The following SNX30 variants were observed in gnomAD, a reference collection of about 807,000 sequenced individuals.
SNX30 encodes sorting nexin-30.
In SNX30, 24 loss-of-function variants were observed where a neutral mutation model predicts 46.4. The observed-to-expected ratio is 0.52, with a 90% CI of 0.37 to 0.73. The LOEUF is 0.73. Ranked by LOEUF, SNX30 falls within the 30% of genes least tolerant of loss-of-function variation. The pLI, the probability that SNX30 is intolerant of heterozygous loss-of-function variation, is 0.00. For missense variants in SNX30, 533 were observed against 555.7 expected, an observed-to-expected ratio of 0.96 and a Z score of 0.41; for synonymous variants, 189 against 211.5, an observed-to-expected ratio of 0.89 and a Z score of 0.92.
intron 1 of SNX30, among the ~76,000 whole-genome samples, chr9:112,776,785 T>C (rs1460851037): frequency 2.0e-5 from 3 of 152,232 alleles, no homozygotes; most frequent in Non-Finnish European, 4.4e-5. Flanking sequence ...TAGGCAGGCC[T>C]CCTTTCAGGA....
chr9:112,811,162 G>A (rs572970651), intron 2 of SNX30, among the ~76,000 whole-genome samples: 8 of 152,342 alleles, frequency 5.3e-5, no homozygotes, highest in East Asian at 1.9e-4. Flanking sequence ...GCAGAGGAGC[G>A]TGAGGATGAA....
At chr9:112,843,717 C>T (rs559459723) in intron 6 of SNX30, among the ~76,000 whole-genome samples, 5 of 148,282 alleles carry the variant, frequency 3.4e-5, no homozygotes, top group African/African-American at 7.4e-5. Flanking sequence ...CCGCTTCAAG[C>T]GATTCTCCTG....
Position 112,808,381 on chromosome 9 carries a change from G to T in SNX30, c.348+3414G>T, listed in dbSNP as rs374574504. ...AAATAAGTGAAGGCTGACAGCCAAT[G>T]TAGGCAAAGAATTATCCACCCAAAT... On this transcript the variant is annotated intron_variant, in intron 2 of 8. Transcript: ENST00000374232. Among the ~76,000 whole-genome samples the T allele has an allele frequency of 7.9e-4, 120 of 152,356 alleles. 2 individuals carry two copies. The South Asian group carries it at 0.017, about 22-fold the overall frequency.
At chr9:112,761,051 C>T (rs141147876) in intron 1 of SNX30, among the ~76,000 whole-genome samples, 40 of 152,218 alleles carry the variant, frequency 2.6e-4, no homozygotes, top group African/African-American at 7.2e-4. Flanking sequence ...TAGTGAGAGA[C>T]GAGGTGGGTA....
chr9:112,834,692 C>T (rs910269459), intron 4 of SNX30, among the ~76,000 whole-genome samples: 2 of 152,076 alleles, frequency 1.3e-5, no homozygotes, highest in African/African-American at 4.8e-5. Flanking sequence ...GATTCGAGTC[C>T]TGCCTTGGGG....
intron 1 of SNX30, among the ~76,000 whole-genome samples, chr9:112,760,030 G>A (rs913692849): frequency 4.6e-5 from 7 of 152,098 alleles, no homozygotes; most frequent in South Asian, 4.1e-4. Context: ...ATGCTTTGTC[G>A]ATTTCTATAT....
At chr9:112,866,580 G>GT in intron 8 of SNX30, 1 of 468,536 alleles carries the variant, frequency 2.1e-6, no homozygotes, top group Non-Finnish European at 4.4e-6. Flanking sequence ...GGGCTTCAGA[G>GT]TTTAGCTTCC....
At chr9:112,804,025 C>T (rs1226081901) in intron 1 of SNX30, among the ~76,000 whole-genome samples, 2 of 143,414 alleles carry the variant, frequency 1.4e-5, no homozygotes, top group East Asian at 2.1e-4. Context: ...CACTGGCCTG[C>T]GCCCACTGTC....
chr9:112,837,727 G>A (rs998490772), intron 5 of SNX30, among the ~76,000 whole-genome samples: 7 of 151,564 alleles, frequency 4.6e-5, no homozygotes, highest in African/African-American at 7.3e-5. Flanking sequence ...CACCCACCTC[G>A]GCCTCCCAAA....
At chr9:112,883,357 T>C (rs1841605216), downstream of SNX30, among the ~76,000 whole-genome samples, 3 of 152,134 alleles carry the variant, frequency 2.0e-5, no homozygotes, top group African/African-American at 4.8e-5. Flanking sequence ...GTGCAATGCA[T>C]GTAGTGGATG....
intron 6 of SNX30, among the ~76,000 whole-genome samples, chr9:112,843,454 T>C (rs1564288924): frequency 6.6e-6 from 1 of 151,574 alleles, no homozygotes; most frequent in East Asian, 1.9e-4. Context: ...TGCGCAAGGG[T>C]CGGAGGATGG....
At chr9:112,840,730 C>T (rs1421492755) in intron 6 of SNX30, among the ~76,000 whole-genome samples, 3 of 151,942 alleles carry the variant, frequency 2.0e-5, no homozygotes, top group Non-Finnish European at 2.9e-5. Flanking sequence ...CCATCCGCCT[C>T]GGCCTCCCAA....
Position 112,873,724 on chromosome 9 carries a change from G to A in SNX30, c.*4881G>A, listed in dbSNP as rs113630458. ...TATAGTATCGGCATTGACAAATCAC[G>A]TAGAAACAAAGAATGCTATAGATGA... On this transcript the variant is annotated 3_prime_UTR_variant, in exon 9 of 9. Transcript: ENST00000374232. 13 of 151,788 alleles carry A rather than the reference G, an allele frequency of 8.6e-5. No individual in the cohort carries two copies. The South Asian group carries it at 1.7e-3, about 19-fold the overall frequency. The allele number at this position is 151,788 out of a possible 1,614,324, so 9.4% of individuals were successfully genotyped here.
intron 1 of SNX30, among the ~76,000 whole-genome samples, chr9:112,775,318 G>A (rs986427883): frequency 5.3e-5 from 8 of 151,236 alleles, no homozygotes; most frequent in African/African-American, 1.7e-4. Flanking sequence ...ACCACACTTG[G>A]CTAATTTTGT....
At chr9:112,832,859 A>G (rs1037136827) in intron 4 of SNX30, among the ~76,000 whole-genome samples, 1 of 143,622 alleles carries the variant, frequency 7.0e-6, no homozygotes, top group East Asian at 1.9e-4. Flanking sequence ...ATATATAATA[A>G]ATATAATATA....
At chr9:112,777,803 T>C (rs1272185207) in intron 1 of SNX30, among the ~76,000 whole-genome samples, 1 of 152,122 alleles carries the variant, frequency 6.6e-6, no homozygotes, top group East Asian at 1.9e-4. Flanking sequence ...GTGGTTGCTA[T>C]GTGCCACGCA....
chr9:112,767,892 G>A (rs181002995), intron 1 of SNX30, among the ~76,000 whole-genome samples: 1 of 152,118 alleles, frequency 6.6e-6, no homozygotes, highest in Non-Finnish European at 1.5e-5. Context: ...GAGCCATTTT[G>A]TCTGGCCAGC....
intron 1 of SNX30, among the ~76,000 whole-genome samples, chr9:112,761,481 A>T (rs936130973): frequency 1.3e-5 from 2 of 152,082 alleles, no homozygotes; most frequent in Non-Finnish European, 2.9e-5. Context: ...GTTTTTGAGC[A>T]GGGGGATGTG....
rs530468923 is a variant in SNX30, at chr9:112,834,187, C to G, written c.619-2027C>G. Among the ~76,000 whole-genome samples the G allele has an allele frequency of 4.7e-4, 72 of 152,164 alleles. 1 individual carries two copies. The South Asian group carries it at 0.014, about 29-fold the overall frequency. ...GGTGGGGGTGGGGGCGAGATTTTCC[C>G]CAAACACCAAGCAGCCATTGCCAGC... is the stretch of plus-strand genomic sequence containing the variant. On this transcript the variant is annotated intron_variant, in intron 4 of 8. Transcript: ENST00000374232.
Sources: allele counts gnomAD v4.1 joint callset (sites outside exome capture counted in the v4.1 genomes callset), GRCh38; gene constraint gnomAD v4.1.1; transcripts MANE v1.5; gene names NCBI Gene and HGNC (gene_info 2026-07-23, HGNC 2026-07-21).